The following TSHR variants were observed in gnomAD, a reference collection of about 807,000 sequenced individuals.
The protein encoded by TSHR is thyroid stimulating hormone receptor, also known as thyrotropin receptor.
TSHR carries 51 observed loss-of-function variants against 64.1 expected under a neutral mutation model. The observed-to-expected ratio is 0.80, with a 90% CI of 0.64 to 1.01. The LOEUF is 1.01. Ranked by LOEUF, TSHR falls within the 50% of genes least tolerant of loss-of-function variation. The pLI is 0.00. For synonymous variants in TSHR, 361 were observed against 361.9 expected (o/e 1.00, Z 0.03); for missense variants, 877 against 942.8 (o/e 0.93, Z 0.91).
At chr14:80,961,156 G>A (rs1419780001) in intron 1 of TSHR, among the ~76,000 whole-genome samples, 3 of 152,200 alleles carry the variant, frequency 2.0e-5, no homozygotes, top group Admixed American at 2.0e-4. Flanking sequence ...GGGGCCATAT[G>A]CCCTCTACAT....
Position 81,108,435 on chromosome 14 carries a change from C to G in TSHR, c.675C>G (p.Tyr225Ter). 6.2e-7 allele frequency: 1 copy of G among 1,612,968 alleles called. No individual in the cohort carries two copies. Residue 225 changes from tyrosine (Y) to a stop codon, truncating the protein, a stop_gained, in exon 8 of 10, where the codon TAC (tyrosine) becomes TAG (stop). Coordinates refer to ENST00000298171, the MANE Select transcript of TSHR (RefSeq NM_000369.5). LOFTEE classifies it high-confidence loss of function. ...ACAAAGATGCATTTGGAGGAGTATA[C>G]AGTGGACCAAGCTTGCTGTGAGTAA... ...VIDKDAFGGV[Y>*]SGPSLLDVSQ...
chr14:80,960,126 T>TG (rs1333333941), intron 1 of TSHR, among the ~76,000 whole-genome samples: 6 of 152,216 alleles, frequency 3.9e-5, no homozygotes, highest in Non-Finnish European at 7.3e-5. Context: ...ACGGTGTCCT[T>TG]GGTAGTATCG....
At chr14:80,989,799 T>C (rs769083638) in intron 1 of TSHR, among the ~76,000 whole-genome samples, 44 of 152,120 alleles carry the variant, frequency 2.9e-4, no homozygotes, top group Non-Finnish European at 5.3e-4. Flanking sequence ...ACTTTAGAGG[T>C]TACCTAAGAC....
intron 1 of TSHR, among the ~76,000 whole-genome samples, chr14:80,979,700 A>T (rs1345290944): frequency 6.6e-6 from 1 of 152,222 alleles, no homozygotes; most frequent in African/African-American, 2.4e-5. Context: ...AAGACAAAGA[A>T]AAACAGACAC....
intron 8 of TSHR, among the ~76,000 whole-genome samples, chr14:81,115,501 G>A (rs1202206821): frequency 6.9e-6 from 1 of 145,770 alleles, no homozygotes; most frequent in Non-Finnish European, 1.5e-5. Flanking sequence ...AAAGAAATGA[G>A]CAAAGCCTCC....
intron 3 of TSHR, among the ~76,000 whole-genome samples, chr14:81,086,059 A>G (rs1453145085): frequency 6.6e-6 from 1 of 152,254 alleles, no homozygotes; most frequent in African/African-American, 2.4e-5. Context: ...TTGTTTAGGT[A>G]AAAATCATGA....
intron 1 of TSHR, among the ~76,000 whole-genome samples, chr14:81,018,775 T>C (rs1883564455): frequency 6.6e-6 from 1 of 152,114 alleles, no homozygotes. Flanking sequence ...ATAAGTGAAA[T>C]AGGCTTTGAG....
chr14:81,111,912 T>G (rs1890239896), intron 8 of TSHR, among the ~76,000 whole-genome samples: 1 of 152,248 alleles, frequency 6.6e-6, no homozygotes, highest in African/African-American at 2.4e-5. Context: ...TATTTTAGTC[T>G]GTTGTCCTCA....
intron 7 of TSHR, chr14:81,105,337 CA>C: frequency 1.1e-5 from 8 of 699,520 alleles, no homozygotes; most frequent in Non-Finnish European, 1.4e-5. Flanking sequence ...GTCTTGACTT[CA>C]GATGGAAGGC....
At chr14:81,000,051 A>G (rs1479018735) in intron 1 of TSHR, among the ~76,000 whole-genome samples, 1 of 149,710 alleles carries the variant, frequency 6.7e-6, no homozygotes, top group East Asian at 2.0e-4. Context: ...CCAGCCTCAG[A>G]CTCCCGAGTA....
rs1460045805 is a variant in TSHR, at chr14:81,103,900, T to C, written c.615-4475T>C. 1 of 985,340 alleles carries C rather than the reference T, an allele frequency of 1.0e-6. No individual in the cohort carries two copies. Among genetic ancestry groups the C allele is most frequent in the Non-Finnish European group, 1.2e-6 (1 of 829,930 alleles). 61.0% of individuals were successfully genotyped at this position (985,340 alleles called of 1,614,324 possible). A position where few individuals can be genotyped will look rare whatever the true frequency, so the allele number is the denominator to read the frequency against. ...TTTAGGCAGGAATAAAAATACCATT[T>C]TGATATGCTAAGAGCCCACCAATAC... is the stretch of plus-strand genomic sequence containing the variant. On this transcript the variant is annotated intron_variant, in intron 7 of 9. Transcript: ENST00000298171. This position sits in a 1 kb window ranked among gnomAD's most constrained non-coding sequence, Gnocchi z 4.1.
chr14:81,092,098 G>A (rs558858486), intron 5 of TSHR, among the ~76,000 whole-genome samples: 5 of 152,238 alleles, frequency 3.3e-5, no homozygotes, highest in South Asian at 2.1e-4. Flanking sequence ...GGAGCCTGGC[G>A]AAGTTTGGCA....
At chr14:81,088,854 C>T (rs1358442702) in intron 4 of TSHR, among the ~76,000 whole-genome samples, 2 of 152,078 alleles carry the variant, frequency 1.3e-5, no homozygotes, top group South Asian at 2.1e-4. Flanking sequence ...TGAGATAAGC[C>T]CTTAAGGATG....
intron 1 of TSHR, among the ~76,000 whole-genome samples, chr14:81,027,178 G>A (rs532755039): frequency 1.3e-5 from 2 of 152,034 alleles, no homozygotes; most frequent in East Asian, 1.9e-4. Flanking sequence ...GGAAAAAATT[G>A]TAGATCGAGA....
intron 1 of TSHR, among the ~76,000 whole-genome samples, chr14:80,972,944 T>G (rs924812477): frequency 6.6e-6 from 1 of 152,178 alleles, no homozygotes; most frequent in Non-Finnish European, 1.5e-5. Context: ...ACAAAGAGTA[T>G]GGGCAATCAG....
chr14:81,017,972 G>A (rs909261705), intron 1 of TSHR, among the ~76,000 whole-genome samples: 4 of 151,874 alleles, frequency 2.6e-5, no homozygotes, highest in Non-Finnish European at 5.9e-5. Flanking sequence ...TGGGATTACA[G>A]GTACCTACCA....
intron 3 of TSHR, among the ~76,000 whole-genome samples, chr14:81,082,315 C>T (rs1887961942): frequency 1.3e-5 from 2 of 152,202 alleles, no homozygotes; most frequent in African/African-American, 2.4e-5. Flanking sequence ...CAGTGCAAGG[C>T]TCTTTAGAGC....
intron 8 of TSHR, among the ~76,000 whole-genome samples, chr14:81,121,733 G>C (rs1890800135): frequency 6.6e-6 from 1 of 152,016 alleles, no homozygotes; most frequent in Non-Finnish European, 1.5e-5. Flanking sequence ...CTTGAGGTCG[G>C]GAGTTTGAGG....
Position 81,143,654 on chromosome 14 carries a change from G to T in TSHR, c.1596G>T (p.Lys532Asn). ...AITFAMRLDR[K>N]IRLRHACAIM... is the part of the protein sequence containing the mutation. The stretch of plus-strand genomic sequence containing the variant: ...CCTTCGCCATGCGCCTGGACCGGAA[G>T]ATCCGCCTCAGGCACGCATGTGCCA... Residue 532 changes from lysine to asparagine, a missense_variant, in exon 10 of 10, where the codon AAG (lysine) becomes AAT (asparagine). By Grantham distance (94) the Lys-to-Asn change is moderately conservative. Transcript: ENST00000298171. 2 of 1,614,182 alleles carry T rather than the reference G, an allele frequency of 1.2e-6. No individual in the cohort carries two copies. The highest frequency in any genetic ancestry group is 1.7e-6 in the Non-Finnish European group (2 of 1,180,054).
Sources: allele counts gnomAD v4.1 joint callset (sites outside exome capture counted in the v4.1 genomes callset), GRCh38; gene constraint gnomAD v4.1.1; non-coding constraint Gnocchi (gnomAD v3.1); transcripts MANE v1.5; gene names NCBI Gene and HGNC (gene_info 2026-07-23, HGNC 2026-07-21).